Variants in SAP130 observed in about 807,000 individuals in gnomAD.
SAP130 encodes the protein histone deacetylase complex subunit SAP130.
A neutral mutation model predicts 103.2 loss-of-function variants in SAP130; 16 were observed. The observed-to-expected ratio is 0.16, with a 90% confidence interval of 0.10 to 0.24. The LOEUF is 0.24. Ranked by LOEUF, SAP130 falls within the 10% of genes least tolerant of loss-of-function variation. The pLI, the probability that SAP130 is intolerant of heterozygous loss-of-function variation, is 1.00. For synonymous variants in SAP130, 477 were observed against 497.0 expected, an observed-to-expected ratio of 0.96 and a Z score of 0.53; for missense variants, 990 against 1,359.7, an observed-to-expected ratio of 0.73 and a Z score of 4.28.
chr2:127,964,039 T>C (rs1018575976), intron 15 of SAP130, among the ~76,000 whole-genome samples: 1 of 152,178 alleles, frequency 6.6e-6, no homozygotes, highest in Non-Finnish European at 1.5e-5. Context: ...CATTTTAAAA[T>C]GTTCTCTGAG....
At chr2:128,010,793 G>A (rs1370901057) in intron 6 of SAP130, among the ~76,000 whole-genome samples, 1 of 151,854 alleles carries the variant, frequency 6.6e-6, no homozygotes, top group African/African-American at 2.4e-5. Flanking sequence ...GAACCTGGGA[G>A]GCAGAGGTTG....
chr2:128,018,983 A>G (rs1357491418), intron 2 of SAP130, among the ~76,000 whole-genome samples: 2 of 151,726 alleles, frequency 1.3e-5, no homozygotes, highest in Non-Finnish European at 2.9e-5. Flanking sequence ...CTATAATCTC[A>G]GCTACTAGGG....
At chr2:128,000,798 G>A (rs1212871511) in intron 7 of SAP130, among the ~76,000 whole-genome samples, 1 of 152,126 alleles carries the variant, frequency 6.6e-6, no homozygotes, top group Non-Finnish European at 1.5e-5. Context: ...CTTTTGGGGG[G>A]CGCAAAGGCT....
In SAP130 at chr2:127,998,043, G is replaced by C. The variant is rs544631324; in HGVS notation, c.1214-1552C>G. Among the ~76,000 whole-genome samples the C allele has an allele frequency of 2.1e-3, 320 of 151,322 alleles. 3 individuals carry two copies. Among genetic ancestry groups the C allele is most frequent in the African/African-American group, 7.2e-3 (297 of 41,194 alleles). ...GCAGGAGAATTACTTGAACCTGGGAGATTGCAGTGAGCTGAGAGCATGCCA... is the reference window on the plus strand; with the variant it reads ...GCAGGAGAATTACTTGAACCTGGGACATTGCAGTGAGCTGAGAGCATGCCA... On this transcript the variant is annotated intron_variant, in intron 10 of 20. Transcript: ENST00000643581.
At chr2:127,973,946 T>C (rs1681272384) in intron 15 of SAP130, among the ~76,000 whole-genome samples, 2 of 152,180 alleles carry the variant, frequency 1.3e-5, no homozygotes, top group South Asian at 4.2e-4. Flanking sequence ...ATGGTGGCTC[T>C]TAAGTAGTCC....
intron 10 of SAP130, among the ~76,000 whole-genome samples, chr2:127,998,107 CAAA>C (rs546761761): frequency 1.1e-5 from 1 of 92,714 alleles, no homozygotes; most frequent in African/African-American, 4.1e-5. Context: ...GACTCCATCT[CAAA>C]AAAAAAAAAA....
chr2:128,011,851 C>T (rs1331319660), intron 6 of SAP130, among the ~76,000 whole-genome samples: 1 of 152,158 alleles, frequency 6.6e-6, no homozygotes, highest in African/African-American at 2.4e-5. Context: ...CTCACTCTCT[C>T]GTCCCAGCTA....
rs1049233347 is a variant in SAP130 at position 127,996,555 on chromosome 2, C to G, written c.1214-64G>C. The G allele has an allele frequency of 1.3e-5, 18 of 1,361,236 alleles. No individual in the cohort carries two copies. In the South Asian group the frequency reaches 2.8e-4, roughly 21 times the overall value. 84.3% of individuals were successfully genotyped at this position (1,361,236 alleles called of 1,614,324 possible). On this transcript the variant is annotated intron_variant, in intron 10 of 20. Coordinates refer to ENST00000643581, the MANE Select transcript of SAP130 (RefSeq NM_001330301.2). The surrounding 1 kb of genome is among the most constrained non-coding windows in gnomAD (Gnocchi z 4.3). ...CTTTTTTTTGGCATGCCAAAACATTCTTGGCTAGCAGCAATCTTAGGAAAG... is the reference window on the plus strand; with the variant it reads ...CTTTTTTTTGGCATGCCAAAACATTGTTGGCTAGCAGCAATCTTAGGAAAG...
At chr2:127,951,031 AC>A (rs1360194603) in intron 16 of SAP130, among the ~76,000 whole-genome samples, 1 of 152,232 alleles carries the variant, frequency 6.6e-6, no homozygotes, top group African/African-American at 2.4e-5. Context: ...CTAGCAGGTA[AC>A]CTATTAACTC....
At chr2:128,018,313 C>CAAAAAAAAAAAAAAA (rs200188563) in intron 2 of SAP130, among the ~76,000 whole-genome samples, 1 of 50,582 alleles carries the variant, frequency 2.0e-5, no homozygotes, top group African/African-American at 6.9e-5. Flanking sequence ...ACTAAAAATA[C>CAAAAAAAAAAAAAAA]AAAAAAAAAA....
intron 12 of SAP130, among the ~76,000 whole-genome samples, chr2:127,992,648 T>A (rs1354310699): frequency 2.0e-5 from 3 of 152,154 alleles, no homozygotes; most frequent in Non-Finnish European, 4.4e-5. Flanking sequence ...CTACACAGAC[T>A]CTGACATTTA....
intron 13 of SAP130, among the ~76,000 whole-genome samples, chr2:127,987,585 G>A (rs1682490158): frequency 6.6e-6 from 1 of 151,890 alleles, no homozygotes; most frequent in Non-Finnish European, 1.5e-5. Flanking sequence ...CACTCTACTA[G>A]TTACTTTACA....
intron 12 of SAP130, among the ~76,000 whole-genome samples, chr2:127,991,386 G>T (rs75247179): frequency 0.042 from 6,333 of 151,906 alleles, 413 homozygotes; most frequent in African/African-American, 0.14. Context: ...GACTAGACTT[G>T]AGTGCGGTGG....
Position 128,017,882 on chromosome 2 carries a change from C to G in SAP130, c.146G>C (p.Ser49Thr), listed in dbSNP as rs769814495. ...GCTGGAACTCATGTGCTCCCTGGCA[C>G]TGACTTCAGAATCTCGACCAGATTC... ...NDESGRDSEV[S>T]AREHMSSSSS... Residue 49 changes from serine to threonine, a missense_variant, in exon 3 of 21, where the codon AGT becomes ACT. Transcript: ENST00000643581. The G allele has an allele frequency of 1.9e-6, 3 of 1,614,096 alleles. No individual in the cohort carries two copies. Among genetic ancestry groups the G allele is most frequent in the Non-Finnish European group, 2.5e-6 (3 of 1,180,050 alleles).
rs568059270 is a variant in SAP130 at position 127,994,419 on chromosome 2, C to T, written c.1356-1111G>A. ...CAGCCTGGCCAACATGGCGAAACTC[C>T]GTCTTCTACTAAAAATACAAAAATT... is the stretch of plus-strand genomic sequence containing the variant. On this transcript the variant is annotated intron_variant, in intron 11 of 20. Transcript: ENST00000643581. Among the ~76,000 whole-genome samples, 10 of 152,224 alleles carry T rather than the reference C, an allele frequency of 6.6e-5. No homozygotes were observed. The South Asian group carries it at 1.2e-3, about 19-fold the overall frequency.
intron 15 of SAP130, among the ~76,000 whole-genome samples, chr2:127,964,245 G>A (rs1370050691): frequency 6.6e-6 from 1 of 151,786 alleles, no homozygotes; most frequent in Non-Finnish European, 1.5e-5. Flanking sequence ...TGTAATCCCA[G>A]CACTTTGGGA....
chr2:128,003,033 G>C (rs1683678468), intron 7 of SAP130, among the ~76,000 whole-genome samples: 1 of 152,022 alleles, frequency 6.6e-6, no homozygotes, highest in Non-Finnish European at 1.5e-5. Flanking sequence ...AGGCCGAAGT[G>C]GGAGGATCGC....
chr2:127,964,622 G>C (rs1247776513), intron 15 of SAP130, among the ~76,000 whole-genome samples: 1 of 151,408 alleles, frequency 6.6e-6, no homozygotes, highest in Admixed American at 6.6e-5. Flanking sequence ...ACTGAAAACT[G>C]TTAGGCTGAA....
At chr2:128,027,001 A>T in intron 1 of SAP130, 1 of 1,203,396 alleles carries the variant, frequency 8.3e-7, no homozygotes, top group East Asian at 3.0e-5. Flanking sequence ...GTTTCCAGAC[A>T]CCTCGGAGTG....
Sources: gnomAD v4.1 joint callset for allele counts (sites outside exome capture counted in the v4.1 genomes callset) on GRCh38, gnomAD v4.1.1 for gene constraint, Gnocchi (gnomAD v3.1) non-coding constraint, MANE v1.5 for transcripts, NCBI Gene and HGNC (gene_info 2026-07-23, HGNC 2026-07-21) for gene names.